HDGFL3: variants seen among roughly 807,000 people sequenced by gnomAD.
HDGFL3 encodes hepatoma-derived growth factor-related protein 3.
HDGFL3 carries 6 observed loss-of-function variants against 27.6 expected under a neutral mutation model. The ratio of observed to expected loss-of-function variants is 0.22; its 90% CI spans 0.12 to 0.43. The LOEUF is 0.43. Among genes scored for constraint, HDGFL3 ranks in the 20% least tolerant of loss-of-function variants. HDGFL3 has a pLI of 1.00. For missense variants in HDGFL3, 207 were observed against 250.1 expected, an observed-to-expected ratio of 0.83 and a Z score of 1.16; for synonymous variants, 88 against 88.9, an observed-to-expected ratio of 0.99 and a Z score of 0.05.
intron 3 of HDGFL3, chr15:83,122,072 GCTC>G (rs1289717661): frequency 2.7e-5 from 34 of 1,240,288 alleles, no homozygotes; most frequent in Non-Finnish European, 3.7e-5. Context: ...AAATAGAGAA[GCTC>G]TTTTAGTTAT....
At chr15:83,127,622 A>AT, downstream of HDGFL3, 1 of 827,522 alleles carries the variant, frequency 1.2e-6, no homozygotes, top group Non-Finnish European at 1.9e-6. Context: ...TTCAGAAGAC[A>AT]TTTCTGCAAG....
intron 1 of HDGFL3, among the ~76,000 whole-genome samples, chr15:83,205,777 A>T (rs1281197690): frequency 6.6e-6 from 1 of 152,234 alleles, no homozygotes; most frequent in Non-Finnish European, 1.5e-5. Context: ...TGAAGTCACA[A>T]ATATATTCAG....
intron 1 of HDGFL3, among the ~76,000 whole-genome samples, chr15:83,168,345 G>T (rs1417090597): frequency 6.6e-6 from 1 of 152,138 alleles, no homozygotes; most frequent in African/African-American, 2.4e-5. Context: ...AAAAATCCAT[G>T]CAAGGATCAA....
At chr15:83,176,537 G>A (rs987168773) in intron 1 of HDGFL3, among the ~76,000 whole-genome samples, 3 of 152,128 alleles carry the variant, frequency 2.0e-5, no homozygotes, top group African/African-American at 7.2e-5. Flanking sequence ...CCCGTGGGGA[G>A]GCAGCCTCAT....
intron 1 of HDGFL3, among the ~76,000 whole-genome samples, chr15:83,194,461 C>G (rs1205922028): frequency 6.6e-6 from 1 of 152,054 alleles, no homozygotes; most frequent in Non-Finnish European, 1.5e-5. Flanking sequence ...GAAAAGAGTT[C>G]TGGAGATAGA....
chr15:83,169,614 C>T (rs1007270529), intron 1 of HDGFL3, among the ~76,000 whole-genome samples: 1 of 151,720 alleles, frequency 6.6e-6, no homozygotes, highest in Admixed American at 6.6e-5. Context: ...CCAGTCTGGC[C>T]AACATGCTAA....
chr15:83,116,521 C>T (rs1185115798), intron 3 of HDGFL3, among the ~76,000 whole-genome samples: 3 of 152,230 alleles, frequency 2.0e-5, no homozygotes, highest in African/African-American at 4.8e-5. Flanking sequence ...AAAGCAGATT[C>T]TTCATCCATG....
chr15:83,158,834 T>C (rs1432827405), intron 2 of HDGFL3, among the ~76,000 whole-genome samples: 1 of 152,198 alleles, frequency 6.6e-6, no homozygotes, highest in Admixed American at 6.5e-5. Flanking sequence ...AGTATATTTA[T>C]TCACTATTAT....
chr15:83,122,097 G>A (rs1361714855), intron 3 of HDGFL3: 1 of 994,452 alleles, frequency 1.0e-6, no homozygotes, highest in Non-Finnish European at 1.5e-6. Context: ...ATAGAACCAA[G>A]TGATTCCAAG....
intron 1 of HDGFL3, among the ~76,000 whole-genome samples, chr15:83,186,359 G>C (rs1345289412): frequency 6.6e-6 from 1 of 152,128 alleles, no homozygotes; most frequent in African/African-American, 2.4e-5. Flanking sequence ...TAGACTTATC[G>C]CTCAACTGAA....
At chr15:83,167,947 A>G (rs990528999) in intron 1 of HDGFL3, among the ~76,000 whole-genome samples, 2 of 152,228 alleles carry the variant, frequency 1.3e-5, no homozygotes, top group Non-Finnish European at 2.9e-5. Context: ...ACAAAAAATC[A>G]TATCAACTAT....
chr15:83,169,011 TA>T (rs2151408681), intron 1 of HDGFL3, among the ~76,000 whole-genome samples: 1 of 151,950 alleles, frequency 6.6e-6, no homozygotes, highest in Admixed American at 6.6e-5. Flanking sequence ...TAAACAGAAT[TA>T]AAAACAAAAG....
chr15:83,159,818 G>A (rs761537645), intron 2 of HDGFL3, among the ~76,000 whole-genome samples: 7 of 152,304 alleles, frequency 4.6e-5, no homozygotes, highest in Middle Eastern at 6.8e-3. Flanking sequence ...AGTGAAGGAC[G>A]ACTGGTGTGA....
At chr15:83,147,629 G>A (rs74028245) in intron 5 of HDGFL3, among the ~76,000 whole-genome samples, 255 of 152,196 alleles carry the variant, frequency 1.7e-3, no homozygotes, top group African/African-American at 5.8e-3. Flanking sequence ...ACAGAATAGA[G>A]AACCCAGAGA....
rs572735765 is a variant in HDGFL3, at chr15:83,118,595, A to G, written c.394-2854T>C. ...TGATTTGATCTGTGGGAGAGATGAC[A>G]GAGCAGTCCTTGCCCCAGGGGAGCA... is the stretch of plus-strand genomic sequence containing the variant. On this transcript the variant is annotated intron_variant, in intron 3 of 3. Coordinates refer to the HDGFL3 transcript ENST00000568294. 2.0e-5 allele frequency among the ~76,000 whole-genome samples: 3 copies of G among 152,318 alleles called. No individual in the cohort carries two copies. The South Asian group carries it at 6.2e-4, about 32-fold the overall frequency.
intron 1 of HDGFL3, among the ~76,000 whole-genome samples, chr15:83,169,746 G>C (rs533635023): frequency 7.1e-4 from 108 of 152,226 alleles, no homozygotes; most frequent in Non-Finnish European, 1.3e-3. Flanking sequence ...GTTGCAGTAA[G>C]CCGAGATTGC....
Position 83,139,172 on chromosome 15 carries a change from G to A in HDGFL3, c.*98C>T. On this transcript the variant is annotated 3_prime_UTR_variant, in exon 6 of 6. Coordinates refer to ENST00000299633, the MANE Select transcript of HDGFL3 (RefSeq NM_016073.4). ...ACTGGGGTTCTGTCAATGACAACAA[G>A]GACTATGTGTTGGTTCATATCAAAT... The A allele has an allele frequency of 4.2e-6, 3 of 709,444 alleles. No homozygotes were observed. Among genetic ancestry groups the A allele is most frequent in the Non-Finnish European group, 6.4e-6 (3 of 469,434 alleles). The allele number at this position is 709,444 out of a possible 1,614,324, so 43.9% of individuals were successfully genotyped here.
chr15:83,127,559 T>C, downstream of HDGFL3: 1 of 1,492,336 alleles, frequency 6.7e-7, no homozygotes, highest in East Asian at 2.3e-5. Context: ...CTCTGCTCAG[T>C]GTTTTAGACT....
chr15:83,207,037 G>C lies in HDGFL3; in HGVS notation c.84+294C>G, dbSNP rs1197553109. ...CGCAGGCCCGCTGCCCGGCGGCGTG[G>C]CTTCCCGGTCGGCACCGGCTTTCCA... On this transcript the variant is annotated intron_variant, in intron 1 of 5. Coordinates refer to ENST00000299633, the MANE Select transcript of HDGFL3 (RefSeq NM_016073.4). The surrounding 1 kb of genome is among the most constrained non-coding windows in gnomAD (Gnocchi z 4.8). Among the ~76,000 whole-genome samples the C allele has an allele frequency of 6.6e-6, 1 of 152,236 alleles. No individual in the cohort carries two copies. The highest frequency in any genetic ancestry group is 1.9e-4 in the East Asian group (1 of 5,184).
Sources: gnomAD v4.1 joint callset for allele counts (sites outside exome capture counted in the v4.1 genomes callset) on GRCh38, gnomAD v4.1.1 for gene constraint, Gnocchi (gnomAD v3.1) non-coding constraint, MANE v1.5 for transcripts, NCBI Gene and HGNC (gene_info 2026-07-23, HGNC 2026-07-21) for gene names.